GNAZ: variants seen among roughly 807,000 people sequenced by gnomAD.
The protein encoded by GNAZ is G protein subunit alpha z.
A neutral mutation model predicts 25.4 loss-of-function variants in GNAZ; 3 were observed. That is an observed-to-expected ratio of 0.12 (90% CI 0.05 to 0.30). The LOEUF (loss-of-function observed/expected upper bound fraction) is 0.30. GNAZ is among the 10% of genes least tolerant of loss of function. The pLI is 1.00. For missense variants in GNAZ, 241 were observed against 501.8 expected, an observed-to-expected ratio of 0.48 and a Z score of 4.97; for synonymous variants, 211 against 205.7, an observed-to-expected ratio of 1.03 and a Z score of -0.22.
At chr22:23,120,738 C>T (rs1387649619) in intron 2 of GNAZ, among the ~76,000 whole-genome samples, 1 of 152,054 alleles carries the variant, frequency 6.6e-6, no homozygotes, top group Non-Finnish European at 1.5e-5. Flanking sequence ...AGGAAGCCCC[C>T]TACCCCAAAA....
intron 2 of GNAZ, among the ~76,000 whole-genome samples, chr22:23,106,008 C>T (rs964340778): frequency 1.3e-5 from 2 of 152,168 alleles, no homozygotes; most frequent in African/African-American, 4.8e-5. Context: ...ACAGGAGCTC[C>T]AGGCCCTTTC....
chr22:23,093,702 C>T (rs2069049597), intron 1 of GNAZ, among the ~76,000 whole-genome samples: 1 of 152,220 alleles, frequency 6.6e-6, no homozygotes, highest in Non-Finnish European at 1.5e-5. Context: ...CCAGAGGCCA[C>T]ACAACCTGGG....
At chr22:23,121,300 A>G (rs547506499) in intron 2 of GNAZ, among the ~76,000 whole-genome samples, 11 of 152,360 alleles carry the variant, frequency 7.2e-5, no homozygotes, top group Admixed American at 7.2e-4. Flanking sequence ...GCAGGGTTCC[A>G]GGGTAATGAC....
chr22:23,093,627 G>A (rs188910020), intron 1 of GNAZ, among the ~76,000 whole-genome samples: 12 of 152,342 alleles, frequency 7.9e-5, no homozygotes, highest in Non-Finnish European at 1.8e-4. Flanking sequence ...GCTTGTGCTG[G>A]ACGCTTTACT....
intron 1 of GNAZ, among the ~76,000 whole-genome samples, chr22:23,086,993 CGATAAGT>C (rs2068838230): frequency 6.6e-6 from 1 of 152,190 alleles, no homozygotes; most frequent in African/African-American, 2.4e-5. Context: ...CATGCGGCTC[CGATAAGT>C]CGGGCGTAAA....
intron 1 of GNAZ, among the ~76,000 whole-genome samples, chr22:23,082,515 G>A (rs766329954): frequency 4.3e-4 from 66 of 151,856 alleles, no homozygotes; most frequent in Admixed American, 8.5e-4. Context: ...CACCGCGCCC[G>A]GCCTCGTTGT....
chr22:23,118,999 G>A (rs1016890527), intron 2 of GNAZ, among the ~76,000 whole-genome samples: 2 of 152,256 alleles, frequency 1.3e-5, no homozygotes, highest in African/African-American at 4.8e-5. Flanking sequence ...AGCATGGACA[G>A]GTCAGAGGGC....
intron 1 of GNAZ, among the ~76,000 whole-genome samples, chr22:23,077,981 C>T (rs1041667562): frequency 6.6e-6 from 1 of 152,226 alleles, no homozygotes; most frequent in Non-Finnish European, 1.5e-5. Flanking sequence ...TCCTGCCCAG[C>T]TCTGCATGGC....
intron 1 of GNAZ, among the ~76,000 whole-genome samples, chr22:23,080,572 C>G (rs2068648320): frequency 6.6e-6 from 1 of 152,194 alleles, no homozygotes; most frequent in African/African-American, 2.4e-5. Flanking sequence ...AGGTGAGACC[C>G]GTTGCGGATC....
At chr22:23,116,596 T>G (rs898682588) in intron 2 of GNAZ, among the ~76,000 whole-genome samples, 3 of 152,216 alleles carry the variant, frequency 2.0e-5, no homozygotes, top group African/African-American at 7.2e-5. Flanking sequence ...GAGCTGCAAC[T>G]ACAGTGCAGG....
chr22:23,096,345 A>C lies in GNAZ; in HGVS notation c.650A>C (p.Glu217Ala). The change falls in exon 2 of 3, where the codon GAG (glutamate) becomes GCG (alanine). Residue 217 changes from glutamate (E) to alanine (A), a missense_variant. Physicochemically the swap from Glu to Ala is moderately radical, Grantham distance 107. Transcript: ENST00000615612. ...CGCAAAAAGTGGATCCACTGCTTCG[A>C]GGGCGTCACAGCCATCATCTTCTGT... ...SERKKWIHCF[E>A]GVTAIIFCVE... is the part of the protein sequence containing the mutation. 6.2e-7 allele frequency: 1 copy of C among 1,613,668 alleles called. No homozygotes were observed. Among genetic ancestry groups the C allele is most frequent in the Admixed American group, 1.7e-5 (1 of 60,032 alleles).
At chr22:23,086,765 C>A (rs2068831574) in intron 1 of GNAZ, among the ~76,000 whole-genome samples, 1 of 152,236 alleles carries the variant, frequency 6.6e-6, no homozygotes, top group African/African-American at 2.4e-5. Context: ...GGGGCTGCAG[C>A]ATCTGTGGAG....
At chr22:23,087,892 T>C (rs2068861309) in intron 1 of GNAZ, among the ~76,000 whole-genome samples, 2 of 152,216 alleles carry the variant, frequency 1.3e-5, no homozygotes, top group African/African-American at 2.4e-5. Context: ...TCAGAATCTT[T>C]AGCCTTCAGC....
chr22:23,122,891 A>G (rs4820538), intron 2 of GNAZ, among the ~76,000 whole-genome samples, 196 bp from the exon 3 acceptor site: 37,068 of 152,174 alleles, frequency 0.24, 4,902 homozygotes, highest in East Asian at 0.36. Flanking sequence ...ACTGGCAAGG[A>G]GGGTGCTGCC....
At chr22:23,088,386 G>A (rs2068873419) in intron 1 of GNAZ, among the ~76,000 whole-genome samples, 1 of 152,220 alleles carries the variant, frequency 6.6e-6, no homozygotes, top group African/African-American at 2.4e-5. Flanking sequence ...AGTGAGCCTG[G>A]AGATCTGTCA....
intron 1 of GNAZ, among the ~76,000 whole-genome samples, chr22:23,078,484 C>G (rs959491796): frequency 9.4e-5 from 14 of 148,334 alleles, no homozygotes; most frequent in African/African-American, 3.2e-4. Flanking sequence ...CACACTGACA[C>G]CCCCATCTCT....
chr22:23,081,928 A>G (rs1424975693), intron 1 of GNAZ, among the ~76,000 whole-genome samples: 2 of 151,274 alleles, frequency 1.3e-5, no homozygotes, highest in East Asian at 2.0e-4. Context: ...GATCGAGACC[A>G]TCCTGGCTAA....
At chr22:23,087,755 A>C (rs12166844) in intron 1 of GNAZ, among the ~76,000 whole-genome samples, 3 of 152,226 alleles carry the variant, frequency 2.0e-5, no homozygotes, top group Middle Eastern at 3.4e-3. Flanking sequence ...CTGCTCAGTC[A>C]GTTCCTGGGT....
intron 2 of GNAZ, among the ~76,000 whole-genome samples, chr22:23,109,391 C>T (rs1465080259): frequency 6.6e-6 from 1 of 152,174 alleles, no homozygotes; most frequent in Admixed American, 6.5e-5. Context: ...GTTAAGGGAT[C>T]AGCTGCTGCT....
Sources: allele counts gnomAD v4.1 joint callset (sites outside exome capture counted in the v4.1 genomes callset), GRCh38; gene constraint gnomAD v4.1.1; transcripts MANE v1.5; gene names NCBI Gene and HGNC (gene_info 2026-07-23, HGNC 2026-07-21).